The following AAMDC variants were observed in gnomAD, a reference collection of about 807,000 sequenced individuals.
AAMDC encodes the protein adipogenesis associated Mth938 domain containing.
A neutral mutation model predicts 15.5 loss-of-function variants in AAMDC; 16 were observed. The ratio of observed to expected loss-of-function variants is 1.03; its 90% confidence interval spans 0.70 to 1.57. AAMDC has a LOEUF of 1.57. Ranked by LOEUF, AAMDC falls within the 40% of genes most tolerant of loss-of-function variation. AAMDC has a pLI of 0.00. For synonymous variants in AAMDC, 51 were observed against 51.6 expected (o/e 0.99, Z 0.05); for missense variants, 141 against 144.9 (o/e 0.97, Z 0.14).
intron 1 of AAMDC, chr11:77,831,824 T>C (rs1171917263): frequency 6.5e-6 from 1 of 153,974 alleles, no homozygotes; most frequent in Non-Finnish European, 1.4e-5. Context: ...GTCTCCCAAG[T>C]AGCTGGGATT....
At chr11:77,887,534 G>C (rs143581164) in intron 5 of AAMDC, among the ~76,000 whole-genome samples, 57,580 of 151,688 alleles carry the variant, frequency 0.38, 11,350 homozygotes, top group African/African-American at 0.46. Context: ...CCCTCTCTCA[G>C]CACTCCTATT....
chr11:77,842,426 CT>C (rs1345810367), intron 1 of AAMDC, 52 bp from the exon 2 acceptor site: 1 of 1,527,250 alleles, frequency 6.5e-7, no homozygotes, highest in African/African-American at 1.4e-5. Context: ...TATTTTCAAA[CT>C]GTTTCAGCCT....
In AAMDC at chr11:77,884,012, TGA is replaced by T. The variant is rs1266134679; in HGVS notation, c.328+6964_328+6965del. ...CGAGAGGAGCATTTAACAAAATGGA[TGA>T]TGACATCTGTTGTGAACCTCAAAAC... On this transcript the variant is annotated intron_variant, in intron 5 of 5. Coordinates refer to the AAMDC transcript ENST00000304716. 2.5e-4 allele frequency: 387 copies of T among 1,550,690 alleles called. 1 individual carries two copies. The African/African-American group carries it at 4.3e-3, about 17-fold the overall frequency.
At chr11:77,867,495 T>G (rs1951172045) in intron 2 of AAMDC, among the ~76,000 whole-genome samples, 1 of 152,226 alleles carries the variant, frequency 6.6e-6, no homozygotes, top group Non-Finnish European at 1.5e-5. Context: ...ATGGAACATT[T>G]GGTTCATCTC....
intron 5 of AAMDC, among the ~76,000 whole-genome samples, chr11:77,878,244 C>A (rs1035973365): frequency 1.3e-5 from 2 of 151,994 alleles, no homozygotes; most frequent in Non-Finnish European, 2.9e-5. Context: ...CGCCTGTAGT[C>A]CCACCTACTC....
chr11:77,875,955 C>A (rs1951582494), downstream of AAMDC, among the ~76,000 whole-genome samples: 1 of 152,070 alleles, frequency 6.6e-6, no homozygotes, highest in African/African-American at 2.4e-5. Flanking sequence ...CCATGAAGAG[C>A]CTTCAAGACA....
At chr11:77,833,532 A>G (rs1429747015) in intron 1 of AAMDC, among the ~76,000 whole-genome samples, 1 of 152,186 alleles carries the variant, frequency 6.6e-6, no homozygotes, top group Non-Finnish European at 1.5e-5. Context: ...ACATACAGAC[A>G]AAGTATCGCT....
At chr11:77,875,887 C>G (rs1333665493), downstream of AAMDC, among the ~76,000 whole-genome samples, 1 of 152,086 alleles carries the variant, frequency 6.6e-6, no homozygotes, top group Non-Finnish European at 1.5e-5. Context: ...TAATTCTGTT[C>G]AAGTGGAGTA....
chr11:77,832,329 A>T (rs1367981841), intron 1 of AAMDC, among the ~76,000 whole-genome samples: 1 of 73,770 alleles, frequency 1.4e-5, no homozygotes, highest in Non-Finnish European at 2.5e-5. Flanking sequence ...AAATAGAGGA[A>T]CTTTTTTTTT....
chr11:77,825,882 G>A (rs1006892895), intron 1 of AAMDC, among the ~76,000 whole-genome samples: 1 of 151,910 alleles, frequency 6.6e-6, no homozygotes, highest in Non-Finnish European at 1.5e-5. Context: ...TGTAGAGATG[G>A]GGTTTCACTA....
chr11:77,838,426 T>C (rs982019602), intron 1 of AAMDC, among the ~76,000 whole-genome samples: 3 of 152,148 alleles, frequency 2.0e-5, no homozygotes, highest in African/African-American at 4.8e-5. Context: ...TGATGTTTCC[T>C]TGAAGAAGAA....
chr11:77,875,863 A>C (rs754428112), downstream of AAMDC, among the ~76,000 whole-genome samples: 1 of 152,166 alleles, frequency 6.6e-6, no homozygotes, highest in Non-Finnish European at 1.5e-5. Context: ...GAGGTGACAG[A>C]AAAAGACTAC....
intron 5 of AAMDC, among the ~76,000 whole-genome samples, chr11:77,888,285 C>T (rs908273417): frequency 6.6e-6 from 1 of 152,194 alleles, no homozygotes; most frequent in African/African-American, 2.4e-5. Flanking sequence ...CTACAACCAT[C>T]TGATCTTTGA....
In AAMDC at chr11:77,821,148, GGGGAGCGCAGATCCCGAAGCAGCGCT is replaced by G. The variant is rs1322831093; in HGVS notation, c.-104_-79del. On this transcript the variant is annotated 5_prime_UTR_variant, in exon 1 of 4. Coordinates refer to ENST00000393427, the MANE Select transcript of AAMDC (RefSeq NM_024684.4). ...CAGGGCGTATTCCCGGAGGGCAGTT[GGGGAGCGCAGATCCCGAAGCAGCGCT>G]GGGAGCGTAAGTGCGGGCAGAGCAC... 9.3e-5 allele frequency: 37 copies of G among 398,340 alleles called. No homozygotes were observed. The East Asian group carries it at 1.2e-3, about 13-fold the overall frequency. 24.7% of individuals were successfully genotyped at this position (398,340 alleles called of 1,614,324 possible). A position where few individuals can be genotyped will look rare whatever the true frequency, so the allele number is the denominator to read the frequency against.
chr11:77,896,529 G>A (rs1361494957), intron 5 of AAMDC, among the ~76,000 whole-genome samples: 1 of 152,002 alleles, frequency 6.6e-6, no homozygotes, highest in Non-Finnish European at 1.5e-5. Flanking sequence ...GCGCATGCCT[G>A]TAATCCCAGC....
chr11:77,869,991 C>T (rs1217977057), intron 3 of AAMDC, 174 bp downstream of exon 3: 2 of 533,124 alleles, frequency 3.8e-6, no homozygotes, highest in Non-Finnish European at 6.8e-6. Flanking sequence ...TTGGGCTCTC[C>T]AGTCTACCTA....
At chr11:77,867,927 T>C (rs1039278880) in intron 2 of AAMDC, among the ~76,000 whole-genome samples, 1 of 152,186 alleles carries the variant, frequency 6.6e-6, no homozygotes, top group East Asian at 1.9e-4. Flanking sequence ...ATAGAGATTG[T>C]TATGAAATTT....
chr11:77,844,302 A>C (rs1267255964), intron 2 of AAMDC, among the ~76,000 whole-genome samples: 1 of 152,030 alleles, frequency 6.6e-6, no homozygotes, highest in Non-Finnish European at 1.5e-5. Context: ...CAATATATAC[A>C]TTTTTAAAGG....
In AAMDC at chr11:77,855,531, G is replaced by A. The variant is rs529573314; in HGVS notation, c.132+12903G>A. ...TTTTTAGTAGAGACGGGGTGTCACC[G>A]TGTTAGCCAGGATGGTCGCGATCTC... On this transcript the variant is annotated intron_variant, in intron 2 of 3. Coordinates refer to ENST00000393427, the MANE Select transcript of AAMDC (RefSeq NM_024684.4). The A allele has an allele frequency of 1.1e-4, 17 of 159,068 alleles. 1 individual carries two copies. The highest frequency in any genetic ancestry group is 9.5e-4 in the East Asian group (5 of 5,278). The allele number at this position is 159,068 out of a possible 1,614,324, so 9.9% of individuals were successfully genotyped here.
Sources: allele counts gnomAD v4.1 joint callset (sites outside exome capture counted in the v4.1 genomes callset), GRCh38; gene constraint gnomAD v4.1.1; transcripts MANE v1.5; gene names NCBI Gene and HGNC (gene_info 2026-07-23, HGNC 2026-07-21).